Variants in KCNMB4 observed in about 807,000 individuals in gnomAD.
KCNMB4 encodes the protein potassium calcium-activated channel subfamily M regulatory beta subunit 4.
A neutral mutation model predicts 20.7 loss-of-function variants in KCNMB4; 3 were observed. That is an observed-to-expected ratio of 0.14 (90% CI 0.07 to 0.37). KCNMB4 has a LOEUF of 0.37. Among genes scored for constraint, KCNMB4 ranks in the 10% least tolerant of loss-of-function variants. KCNMB4 has a pLI of 1.00. For synonymous variants in KCNMB4, 110 were observed against 113.4 expected (o/e 0.97, Z 0.19); for missense variants, 168 against 265.9 (o/e 0.63, Z 2.56).
At chr12:70,388,417 T>G (rs1868274108) in intron 1 of KCNMB4, among the ~76,000 whole-genome samples, 1 of 152,176 alleles carries the variant, frequency 6.6e-6, no homozygotes, top group South Asian at 2.1e-4. Context: ...TCCAGTTTAG[T>G]TACTCAAAAC....
At position 70,366,604 on chromosome 12, in the gene KCNMB4, C is replaced by T. The variant is rs1264991878; in HGVS notation, c.-131C>T. 6 of 536,728 alleles carry T rather than the reference C, an allele frequency of 1.1e-5. No homozygotes were observed. The highest frequency in any genetic ancestry group is 1.6e-5 in the Non-Finnish European group (6 of 379,786). 33.2% of individuals were successfully genotyped at this position (536,728 alleles called of 1,614,324 possible). On this transcript the variant is annotated 5_prime_UTR_variant, in exon 1 of 3. Transcript: ENST00000258111. Reference sequence around the variant, plus strand: ...CTTTGTTCTCGCGCGCTCCCCCTCGCCGCCCACTCCCCTGCTGTCGCGCGG... The same window carrying T: ...CTTTGTTCTCGCGCGCTCCCCCTCGTCGCCCACTCCCCTGCTGTCGCGCGG...
intron 2 of KCNMB4, among the ~76,000 whole-genome samples, chr12:70,422,217 G>A (rs1443654232): frequency 2.0e-5 from 3 of 152,152 alleles, no homozygotes; most frequent in Non-Finnish European, 4.4e-5. Context: ...TAAACCTTAA[G>A]TTTAAATGTT....
At chr12:70,395,385 A>G (rs1037255295) in intron 1 of KCNMB4, among the ~76,000 whole-genome samples, 6 of 152,170 alleles carry the variant, frequency 3.9e-5, no homozygotes, top group African/African-American at 1.4e-4. Context: ...TCTTTAAATG[A>G]TTCAGTAACA....
intron 1 of KCNMB4, among the ~76,000 whole-genome samples, chr12:70,382,401 C>T (rs900358165): frequency 7.6e-5 from 11 of 144,562 alleles, no homozygotes; most frequent in African/African-American, 2.8e-4. Flanking sequence ...CCACAGCACT[C>T]CCGCCTGGGC....
In KCNMB4 at chr12:70,366,683, CGGGGGCGGGA is replaced by C. The variant is rs1883498613; in HGVS notation, c.-42_-33del. ...CGCCCGAGGCAGTCGGGCTCGGCGC[CGGGGGCGGGA>C]GGGGGCGGGGGGAGCACGCCAGCCG... is the stretch of plus-strand genomic sequence containing the variant. On this transcript the variant is annotated 5_prime_UTR_variant, in exon 1 of 3. Coordinates refer to ENST00000258111, the MANE Select transcript of KCNMB4 (RefSeq NM_014505.6). The C allele has an allele frequency of 8.5e-6, 11 of 1,300,232 alleles. No individual in the cohort carries two copies. Among genetic ancestry groups the C allele is most frequent in the Non-Finnish European group, 8.8e-6 (9 of 1,024,320 alleles). 80.5% of individuals were successfully genotyped at this position (1,300,232 alleles called of 1,614,324 possible). A position where few individuals can be genotyped will look rare whatever the true frequency, so the allele number is the denominator to read the frequency against.
rs117985271 is a variant in KCNMB4, at chr12:70,380,387, A to T, written c.336+13317A>T. ...CACCATAACAGATATAATAATCATG[A>T]AAAGTTTGAAATACTGTGAAAATTA... On this transcript the variant is annotated intron_variant, in intron 1 of 2. Transcript: ENST00000258111. 1.3e-4 allele frequency among the ~76,000 whole-genome samples: 20 copies of T among 152,328 alleles called. No homozygotes were observed. In the East Asian group the frequency reaches 3.5e-3, roughly 26 times the overall value.
At chr12:70,415,018 C>A (rs1055841104) in intron 2 of KCNMB4, among the ~76,000 whole-genome samples, 2 of 152,184 alleles carry the variant, frequency 1.3e-5, no homozygotes, top group Admixed American at 1.3e-4. Flanking sequence ...GGACATAGAC[C>A]TATTTCACTG....
At chr12:70,424,732 A>G (rs2136143058) in intron 2 of KCNMB4, among the ~76,000 whole-genome samples, 1 of 151,590 alleles carries the variant, frequency 6.6e-6, no homozygotes, top group South Asian at 2.1e-4. Flanking sequence ...CCTGGGCGAC[A>G]AGAGCAAAAC....
At chr12:70,385,423 T>C (rs376922748) in intron 1 of KCNMB4, among the ~76,000 whole-genome samples, 27 of 152,232 alleles carry the variant, frequency 1.8e-4, no homozygotes, top group East Asian at 7.7e-4. Context: ...ACTGAATATT[T>C]TCTTCGGTTA....
chr12:70,387,387 T>A (rs1416874325), intron 1 of KCNMB4, among the ~76,000 whole-genome samples: 5 of 143,592 alleles, frequency 3.5e-5, no homozygotes, highest in South Asian at 4.3e-4. Context: ...TCGTCTTTTT[T>A]AAATTTTTTA....
At position 70,434,278 on chromosome 12, in the gene KCNMB4, A is replaced by C. The variant is rs1170847985; in HGVS notation, c.*3625A>C. The stretch of plus-strand genomic sequence containing the variant: ...GAAAGTCTCAGTATGTGAGTAATAA[A>C]CCTTTTTATACCCATTTCTTGTGTG... On this transcript the variant is annotated 3_prime_UTR_variant, in exon 3 of 3. Transcript: ENST00000258111. The C allele has an allele frequency of 6.6e-6, 1 of 151,920 alleles. No homozygotes were observed. Among genetic ancestry groups the C allele is most frequent in the African/African-American group, 2.4e-5 (1 of 41,322 alleles). The allele number at this position is 151,920 out of a possible 1,614,324, so 9.4% of individuals were successfully genotyped here. A position where few individuals can be genotyped will look rare whatever the true frequency, so the allele number is the denominator to read the frequency against.
chr12:70,395,206 A>T lies in KCNMB4; in HGVS notation c.337-5003A>T, dbSNP rs191926667. On this transcript the variant is annotated intron_variant, in intron 1 of 2. Coordinates refer to ENST00000258111, the MANE Select transcript of KCNMB4 (RefSeq NM_014505.6). ...ATTTGGAAATCATTTAATCAGCTGC[A>T]TGCATGTTTTCAGCTGTATTATGTC... 1.5e-4 allele frequency among the ~76,000 whole-genome samples: 23 copies of T among 150,440 alleles called. No individual in the cohort carries two copies. In the East Asian group the frequency reaches 2.3e-3, roughly 15 times the overall value.
At chr12:70,389,835 C>T (rs1210293460) in intron 1 of KCNMB4, among the ~76,000 whole-genome samples, 1 of 152,146 alleles carries the variant, frequency 6.6e-6, no homozygotes, top group Non-Finnish European at 1.5e-5. Context: ...CCCATGCCTT[C>T]CTCTTTCTTA....
chr12:70,381,226 G>A (rs537654444), intron 1 of KCNMB4, among the ~76,000 whole-genome samples: 1 of 152,136 alleles, frequency 6.6e-6, no homozygotes, highest in South Asian at 2.1e-4. Flanking sequence ...TAGAATGGCT[G>A]TAAAAAAGAC....
intron 1 of KCNMB4, among the ~76,000 whole-genome samples, chr12:70,397,835 C>T (rs968122): frequency 0.26 from 39,180 of 152,010 alleles, 5,460 homozygotes; most frequent in East Asian, 0.5. Flanking sequence ...TAGTATATCT[C>T]TTGTGTCAAG....
intron 2 of KCNMB4, among the ~76,000 whole-genome samples, chr12:70,407,926 GA>G (rs1293900675): frequency 6.6e-6 from 1 of 152,164 alleles, no homozygotes; most frequent in African/African-American, 2.4e-5. Context: ...GACTACTCAG[GA>G]AATTACAAGG....
chr12:70,418,968 G>A (rs1329339420), intron 2 of KCNMB4, among the ~76,000 whole-genome samples: 1 of 152,146 alleles, frequency 6.6e-6, no homozygotes, highest in Non-Finnish European at 1.5e-5. Flanking sequence ...GCTTCACAAA[G>A]TAAAATAAGG....
chr12:70,384,894 A>G lies in KCNMB4; in HGVS notation c.337-15315A>G, dbSNP rs796996813. Among the ~76,000 whole-genome samples, 338 of 150,428 alleles carry G rather than the reference A, an allele frequency of 2.2e-3. 2 individuals are homozygous for G. The highest frequency in any genetic ancestry group is 7.4e-3 in the African/African-American group (302 of 40,864). On this transcript the variant is annotated intron_variant, in intron 1 of 2. Coordinates refer to ENST00000258111, the MANE Select transcript of KCNMB4 (RefSeq NM_014505.6). ...GTCTCAAAAAAAAAAAAAAAAAAAA[A>G]AAGAAGAAAAAGAAAGAAAAGGCCC... is the stretch of plus-strand genomic sequence containing the variant.
chr12:70,373,076 G>C (rs563928281), intron 1 of KCNMB4, among the ~76,000 whole-genome samples: 12 of 152,184 alleles, frequency 7.9e-5, no homozygotes, highest in Non-Finnish European at 1.8e-4. Context: ...TGGGGGTAAG[G>C]CTGGAGAGTA....
Sources: allele counts gnomAD v4.1 joint callset (sites outside exome capture counted in the v4.1 genomes callset), GRCh38; gene constraint gnomAD v4.1.1; transcripts MANE v1.5; gene names NCBI Gene and HGNC (gene_info 2026-07-23, HGNC 2026-07-21).